Variants in SETBP1 observed in about 807,000 individuals in gnomAD.
SETBP1 encodes the protein SET-binding protein.
In SETBP1, 9 loss-of-function variants were observed where a neutral mutation model predicts 101.0. The observed-to-expected ratio is 0.09, with a 90% CI of 0.05 to 0.16. The LOEUF is 0.16. SETBP1 is among the 10% of genes least tolerant of loss of function. SETBP1 has a pLI of 1.00. For missense variants in SETBP1, 1,858 were observed against 2,033.8 expected, an observed-to-expected ratio of 0.91 and a Z score of 1.66; for synonymous variants, 818 against 788.5, an observed-to-expected ratio of 1.04 and a Z score of -0.63.
chr18:44,830,962 G>A (rs981423452), intron 2 of SETBP1, among the ~76,000 whole-genome samples: 6 of 152,220 alleles, frequency 3.9e-5, no homozygotes, highest in African/African-American at 1.4e-4. Flanking sequence ...AGCATTGGGA[G>A]GATGGGGAAT....
chr18:44,887,985 G>A lies in SETBP1; in HGVS notation c.540+18702G>A, dbSNP rs553437814. ...CTGGGGAGCAAGACAGTAGAGCCAAGCTAAAAAATATCTGGACAACCAAGA... is the reference window on the plus strand; with the variant it reads ...CTGGGGAGCAAGACAGTAGAGCCAAACTAAAAAATATCTGGACAACCAAGA... On this transcript the variant is annotated intron_variant, in intron 3 of 5. Coordinates refer to ENST00000649279, the MANE Select transcript of SETBP1 (RefSeq NM_015559.3). 5.9e-5 allele frequency among the ~76,000 whole-genome samples: 9 copies of A among 152,254 alleles called. No homozygotes were observed. The East Asian group carries it at 1.7e-3, about 29-fold the overall frequency.
At chr18:45,045,295 A>C (rs925878093) in intron 5 of SETBP1, among the ~76,000 whole-genome samples, 8 of 152,020 alleles carry the variant, frequency 5.3e-5, no homozygotes, top group Admixed American at 5.2e-4. Flanking sequence ...AGTGGCGGGC[A>C]CCTATAATAC....
chr18:44,911,896 T>C (rs532501643), intron 3 of SETBP1, among the ~76,000 whole-genome samples: 1 of 151,932 alleles, frequency 6.6e-6, no homozygotes, highest in South Asian at 2.1e-4. Flanking sequence ...TCAACAGTAG[T>C]GGAAGAGAGA....
At chr18:44,994,099 A>G (rs762817424) in intron 4 of SETBP1, among the ~76,000 whole-genome samples, 1 of 152,090 alleles carries the variant, frequency 6.6e-6, no homozygotes, top group Non-Finnish European at 1.5e-5. Context: ...TATATTACCA[A>G]AAAAGGAGAA....
intron 5 of SETBP1, among the ~76,000 whole-genome samples, chr18:45,046,835 G>A (rs1313354070): frequency 6.6e-6 from 1 of 152,190 alleles, no homozygotes; most frequent in Non-Finnish European, 1.5e-5. Flanking sequence ...AAAGCCAGGA[G>A]ACTTGCTGTT....
intron 1 of SETBP1, among the ~76,000 whole-genome samples, chr18:44,688,476 ATT>A (rs879711867): frequency 2.2e-5 from 3 of 138,512 alleles, no homozygotes; most frequent in Admixed American, 1.4e-4. Flanking sequence ...GAGACCTTTG[ATT>A]TTTTTTTTTT....
intron 2 of SETBP1, among the ~76,000 whole-genome samples, chr18:44,758,778 T>C (rs920963727): frequency 3.9e-5 from 6 of 152,240 alleles, no homozygotes; most frequent in African/African-American, 1.4e-4. Context: ...ACTGCCTCTT[T>C]TTCTTTCCTG....
intron 2 of SETBP1, among the ~76,000 whole-genome samples, chr18:44,786,144 T>C (rs2071234752): frequency 6.6e-6 from 1 of 152,212 alleles, no homozygotes; most frequent in Non-Finnish European, 1.5e-5. Context: ...GGCCTCTAAG[T>C]CAACTTCCTG....
chr18:44,791,252 T>C (rs1346310945), intron 2 of SETBP1, among the ~76,000 whole-genome samples: 1 of 152,162 alleles, frequency 6.6e-6, no homozygotes, highest in African/African-American at 2.4e-5. Flanking sequence ...CTAAACACCC[T>C]CAAATGCACA....
At position 44,842,859 on chromosome 18, in the gene SETBP1, C is replaced by T. The variant is rs543791569; in HGVS notation, c.487-26371C>T. Among the ~76,000 whole-genome samples the T allele has an allele frequency of 2.0e-5, 3 of 152,344 alleles. No homozygotes were observed. The South Asian group carries it at 6.2e-4, about 32-fold the overall frequency. ...ACTGTTACAGATGCAGCCCTGATCC[C>T]TCATGTGGATTTCCATTGGCTGTTT... is the stretch of plus-strand genomic sequence containing the variant. On this transcript the variant is annotated intron_variant, in intron 2 of 5. Transcript: ENST00000649279.
chr18:44,822,827 A>G (rs886664428), intron 2 of SETBP1, among the ~76,000 whole-genome samples: 1 of 152,224 alleles, frequency 6.6e-6, no homozygotes, highest in Non-Finnish European at 1.5e-5. Flanking sequence ...GAAAGTCAAC[A>G]ATTACAGTTG....
intron 2 of SETBP1, among the ~76,000 whole-genome samples, chr18:44,807,013 G>C (rs138962469): frequency 6.6e-6 from 1 of 152,020 alleles, no homozygotes; most frequent in Non-Finnish European, 1.5e-5. Flanking sequence ...GCCCCAGAGA[G>C]CTAATATAGA....
chr18:44,985,649 A>C (rs2072215245), intron 4 of SETBP1, among the ~76,000 whole-genome samples: 1 of 152,204 alleles, frequency 6.6e-6, no homozygotes, highest in Non-Finnish European at 1.5e-5. Context: ...TAGTTTTTAC[A>C]GTGTCTAGGT....
chr18:45,000,946 G>T (rs1038993049), intron 4 of SETBP1, among the ~76,000 whole-genome samples: 5 of 152,108 alleles, frequency 3.3e-5, no homozygotes, highest in Admixed American at 1.3e-4. Context: ...TTGAAAGTGG[G>T]ACCCCAACAA....
At chr18:44,995,764 G>T (rs906977120) in intron 4 of SETBP1, among the ~76,000 whole-genome samples, 1 of 152,076 alleles carries the variant, frequency 6.6e-6, no homozygotes, top group Non-Finnish European at 1.5e-5. Context: ...AAACAAAGAT[G>T]AACACTGTCT....
chr18:44,950,671 G>A lies in SETBP1; in HGVS notation c.1331G>A (p.Ser444Asn), dbSNP rs555281601. ...EKALASGITM[S>N]SEVVNRILSN... is the part of the protein sequence containing the mutation. ...GCCTTGGCTTCTGGAATCACCATGAGCAGTGAAGTAGTTAACAGGATACTT... is the reference window on the plus strand; with the variant it reads ...GCCTTGGCTTCTGGAATCACCATGAACAGTGAAGTAGTTAACAGGATACTT... Residue 444 changes from serine (S) to asparagine (N), a missense_variant, in exon 4 of 6, where the codon AGC becomes AAC. Physicochemically the swap from Ser to Asn is conservative, Grantham distance 46. Coordinates refer to ENST00000649279, the MANE Select transcript of SETBP1 (RefSeq NM_015559.3). 1 of 1,614,156 alleles carries A rather than the reference G, an allele frequency of 6.2e-7. No homozygotes were observed.
chr18:44,995,636 G>A (rs1360968314), intron 4 of SETBP1, among the ~76,000 whole-genome samples: 3 of 148,536 alleles, frequency 2.0e-5, no homozygotes, highest in Admixed American at 6.7e-5. Context: ...CTAGTAATTC[G>A]TAAAGAACAG....
At chr18:44,841,754 G>C (rs2144528529) in intron 2 of SETBP1, among the ~76,000 whole-genome samples, 1 of 152,318 alleles carries the variant, frequency 6.6e-6, no homozygotes, top group South Asian at 2.1e-4. Context: ...CCTTAGGCAT[G>C]TGACCATCTC....
chr18:44,762,049 T>C (rs2070662957), intron 2 of SETBP1, among the ~76,000 whole-genome samples: 1 of 152,184 alleles, frequency 6.6e-6, no homozygotes, highest in Non-Finnish European at 1.5e-5. Flanking sequence ...AGGACCGTTA[T>C]GTAATGAACT....
Sources: gnomAD v4.1 joint callset for allele counts (sites outside exome capture counted in the v4.1 genomes callset) on GRCh38, gnomAD v4.1.1 for gene constraint, MANE v1.5 for transcripts, NCBI Gene and HGNC (gene_info 2026-07-23, HGNC 2026-07-21) for gene names.